RGS7: variants seen among roughly 807,000 people sequenced by gnomAD.
The protein encoded by RGS7 is regulator of G-protein signaling 7.
In RGS7, 27 loss-of-function variants were observed where a neutral mutation model predicts 81.1. That is an observed-to-expected ratio of 0.33 (90% CI 0.25 to 0.46). The LOEUF is 0.46. Ranked by LOEUF, RGS7 falls within the 20% of genes least tolerant of loss-of-function variation. RGS7 has a pLI of 1.00. For missense variants in RGS7, 396 were observed against 607.4 expected (o/e 0.65, Z 3.66); for synonymous variants, 208 against 207.7 (o/e 1.00, Z -0.01).
At chr1:241,336,827 C>A (rs116739093) in intron 2 of RGS7, among the ~76,000 whole-genome samples, 68 of 152,222 alleles carry the variant, frequency 4.5e-4, no homozygotes, top group African/African-American at 1.6e-3. Context: ...TCACAATAAT[C>A]CTCTGGAATA....
intron 3 of RGS7, among the ~76,000 whole-genome samples, chr1:241,045,637 T>C (rs7544574): frequency 0.13 from 19,684 of 152,156 alleles, 1,724 homozygotes; most frequent in African/African-American, 0.24. Flanking sequence ...CTGCTGGGAT[T>C]ACAGGCATGA....
At chr1:241,353,460 T>G (rs1195278619) in intron 2 of RGS7, among the ~76,000 whole-genome samples, 6 of 152,218 alleles carry the variant, frequency 3.9e-5, no homozygotes, top group Non-Finnish European at 8.8e-5. Flanking sequence ...TCTTTATACA[T>G]TATCTGATAT....
intron 2 of RGS7, among the ~76,000 whole-genome samples, chr1:241,220,273 T>C (rs1181975834): frequency 5.3e-5 from 8 of 152,222 alleles, no homozygotes; most frequent in Admixed American, 5.2e-4. Flanking sequence ...CTTACCCTTG[T>C]TACATAAACC....
chr1:240,868,441 G>T lies in RGS7; in HGVS notation c.609+146C>A, dbSNP rs1286822731. On this transcript the variant is annotated intron_variant, in intron 9 of 18. Coordinates refer to ENST00000440928, the MANE Select transcript of RGS7 (RefSeq NM_001364886.1). The surrounding 1 kb of genome is among the most constrained non-coding windows in gnomAD (Gnocchi z 5.1). ...TGAGGTCTAGTCATCCTACACAAAA[G>T]TGGTGATCTTTTCTTAATGAATTCA... 4.1e-6 allele frequency: 3 copies of T among 733,028 alleles called. No homozygotes were observed. The highest frequency in any genetic ancestry group is 7.4e-6 in the Non-Finnish European group (3 of 407,644). 45.4% of individuals were successfully genotyped at this position (733,028 alleles called of 1,614,324 possible).
chr1:241,089,076 T>TATATATAA (rs2063699306), intron 3 of RGS7, among the ~76,000 whole-genome samples: 1 of 103,822 alleles, frequency 9.6e-6, no homozygotes, highest in Non-Finnish European at 1.9e-5. Context: ...TATATATATA[T>TATATATAA]ATATATATAT....
At chr1:241,029,745 C>T (rs74149590) in intron 3 of RGS7, among the ~76,000 whole-genome samples, 5,195 of 152,242 alleles carry the variant, frequency 0.034, 111 homozygotes, top group South Asian at 0.073. Context: ...CCCTAAACTC[C>T]CAGATTTCAC....
chr1:241,261,248 G>C (rs148786841), intron 2 of RGS7, among the ~76,000 whole-genome samples: 1 of 152,080 alleles, frequency 6.6e-6, no homozygotes, highest in Admixed American at 6.6e-5. Context: ...CAGTAGCCTC[G>C]GAGTGTCTTG....
chr1:241,137,210 T>A (rs2067585972), intron 2 of RGS7, among the ~76,000 whole-genome samples: 1 of 152,072 alleles, frequency 6.6e-6, no homozygotes, highest in African/African-American at 2.4e-5. Context: ...TATTGGCATT[T>A]TTTTTTCCTT....
At chr1:241,328,737 T>C (rs1171502775) in intron 2 of RGS7, among the ~76,000 whole-genome samples, 1 of 152,198 alleles carries the variant, frequency 6.6e-6, no homozygotes, top group Non-Finnish European at 1.5e-5. Flanking sequence ...TTACACTGTC[T>C]TCTTGTAACA....
intron 2 of RGS7, among the ~76,000 whole-genome samples, chr1:241,347,585 T>C (rs375545299): frequency 6.6e-6 from 1 of 152,162 alleles, no homozygotes; most frequent in South Asian, 2.1e-4. Flanking sequence ...GGAATTGGAG[T>C]GGCTGTGATA....
chr1:241,064,773 T>C (rs1019132286), intron 3 of RGS7, among the ~76,000 whole-genome samples: 2 of 152,024 alleles, frequency 1.3e-5, no homozygotes, highest in African/African-American at 2.4e-5. Flanking sequence ...TCCAGGAATC[T>C]GGATTTTTAG....
At position 241,353,825 on chromosome 1, in the gene RGS7, C is replaced by T. The variant is rs868655108; in HGVS notation, c.78+1874G>A. Among the ~76,000 whole-genome samples the T allele has an allele frequency of 5.2e-4, 79 of 152,264 alleles. 1 individual carries two copies. Among genetic ancestry groups the T allele is most frequent in the African/African-American group, 1.7e-3 (71 of 41,576 alleles). On this transcript the variant is annotated intron_variant, in intron 2 of 18. Transcript: ENST00000440928. ...TTAATGGCGATTCGATGCTATACAACACTGTGTAGAGTAAACCCAAAATTA... is the reference window on the plus strand; with the variant it reads ...TTAATGGCGATTCGATGCTATACAATACTGTGTAGAGTAAACCCAAAATTA...
At chr1:241,216,756 G>A (rs981773181) in intron 2 of RGS7, among the ~76,000 whole-genome samples, 1 of 152,114 alleles carries the variant, frequency 6.6e-6, no homozygotes, top group African/African-American at 2.4e-5. Context: ...TGAAATAATT[G>A]GTAAGATAAA....
intron 2 of RGS7, among the ~76,000 whole-genome samples, chr1:241,336,401 T>C (rs563615752): frequency 6.6e-6 from 1 of 152,120 alleles, no homozygotes; most frequent in Non-Finnish European, 1.5e-5. Flanking sequence ...ATAGGATGTA[T>C]GTGAAAGAAG....
chr1:240,934,601 T>A (rs1676270184), intron 5 of RGS7, among the ~76,000 whole-genome samples: 1 of 152,156 alleles, frequency 6.6e-6, no homozygotes. Context: ...AATGTGTTTG[T>A]TATATTTAGA....
intron 3 of RGS7, among the ~76,000 whole-genome samples, chr1:241,005,685 T>C (rs926101579): frequency 1.3e-5 from 2 of 151,936 alleles, no homozygotes; most frequent in South Asian, 2.1e-4. Flanking sequence ...CAGGCATCCA[T>C]CACCACACCC....
chr1:241,007,905 A>G (rs188742617), intron 3 of RGS7, among the ~76,000 whole-genome samples: 1 of 152,208 alleles, frequency 6.6e-6, no homozygotes, highest in Non-Finnish European at 1.5e-5. Flanking sequence ...GCGCACAGGG[A>G]CAACAGGTGG....
intron 6 of RGS7, among the ~76,000 whole-genome samples, chr1:240,894,589 T>C (rs1668747896): frequency 6.6e-6 from 1 of 152,154 alleles, no homozygotes; most frequent in African/African-American, 2.4e-5. Flanking sequence ...ATTTGTATTA[T>C]TACAAAGCCT....
chr1:240,783,083 C>T lies in RGS7; in HGVS notation c.*7-6870G>A, dbSNP rs150496731. Among the ~76,000 whole-genome samples the T allele has an allele frequency of 7.3e-3, 1,106 of 152,248 alleles. 22 individuals carry two copies. The highest frequency in any genetic ancestry group is 0.024 in the South Asian group (118 of 4,826). ...AATAAACCTGAGACTTCAGCTGGCA[C>T]GTAAGTGAACAGAGAGCATCATCCT... On this transcript the variant is annotated intron_variant, in intron 18 of 18. Transcript: ENST00000440928.
Sources: allele counts gnomAD v4.1 joint callset (sites outside exome capture counted in the v4.1 genomes callset), GRCh38; gene constraint gnomAD v4.1.1; non-coding constraint Gnocchi (gnomAD v3.1); transcripts MANE v1.5; gene names NCBI Gene and HGNC (gene_info 2026-07-23, HGNC 2026-07-21).